The following OR8B2 variants were observed in gnomAD, a reference collection of about 807,000 sequenced individuals.
The protein encoded by OR8B2 is olfactory receptor family 8 subfamily B member 2, also known as olfactory receptor 8B2.
For synonymous variants in OR8B2, 98 were observed against 138.2 expected, an observed-to-expected ratio of 0.71 and a Z score of 2.04; for missense variants, 304 against 379.6, an observed-to-expected ratio of 0.80 and a Z score of 1.65.
upstream of OR8B2, among the ~76,000 whole-genome samples, chr11:124,385,511 TG>T: frequency 2.0e-5 from 3 of 151,830 alleles, no homozygotes; most frequent in Admixed American, 2.0e-4. Context: ...TGTGTGTGTG[TG>T]TGTGTGTGTG....
chr11:124,385,819 TA>T (rs1329081182), upstream of OR8B2, among the ~76,000 whole-genome samples: 3 of 151,830 alleles, frequency 2.0e-5, no homozygotes, highest in East Asian at 3.9e-4. Flanking sequence ...TTTGTAGGGA[TA>T]GGGGGTCTCA....
chr11:124,385,525 T>C (rs1019549189), upstream of OR8B2, among the ~76,000 whole-genome samples: 23 of 149,720 alleles, frequency 1.5e-4, no homozygotes, highest in Non-Finnish European at 2.8e-4. Flanking sequence ...TGTGTGTGTC[T>C]GTGTGTGTGT....
upstream of OR8B2, among the ~76,000 whole-genome samples, chr11:124,387,983 T>C (rs1341605234): frequency 1.3e-5 from 2 of 151,838 alleles, no homozygotes; most frequent in African/African-American, 2.4e-5. Context: ...ACATCCCTTG[T>C]AAGGTGGATT....
At chr11:124,387,099 G>A (rs1172474433), upstream of OR8B2, among the ~76,000 whole-genome samples, 6 of 152,122 alleles carry the variant, frequency 3.9e-5, no homozygotes, top group Non-Finnish European at 5.9e-5. Context: ...ACTTTTTGAT[G>A]GGGTTGTTTG....
chr11:124,382,729 A>G lies in OR8B2; in HGVS notation c.615T>C (p.Thr205=). ...TGGTACAACTGGGTACCGTGATATT[A>G]GTACCCACAACAATGAGAACAACCA... ...NEVVVLIVVG[T]NITVPSCTIL... The change falls in exon 2 of 2, where the codon ACT becomes ACC. Residue 205 remains threonine, a synonymous_variant. Coordinates refer to ENST00000641451, the MANE Select transcript of OR8B2 (RefSeq NM_001005468.2). 6.2e-7 allele frequency: 1 copy of G among 1,613,940 alleles called. No homozygotes were observed. The highest frequency in any genetic ancestry group is 8.5e-7 in the Non-Finnish European group (1 of 1,179,852).
At chr11:124,393,172 C>T in the OR8B2 span, among the ~76,000 whole-genome samples, 1 of 147,392 alleles carries the variant, frequency 6.8e-6, no homozygotes, top group Admixed American at 6.7e-5. Flanking sequence ...TAGAAGAAAA[C>T]CTAGGCATTA....
At chr11:124,396,363 T>A in the OR8B2 span, 4 of 1,500,830 alleles carry the variant, frequency 2.7e-6, no homozygotes. Flanking sequence ...AACACACTAA[T>A]AAAAATTTAA....
chr11:124,383,077 C>A lies in OR8B2; in HGVS notation c.267G>T (p.Lys89Asn), dbSNP rs1860628828. ...PKMLMNFVSKKNIISNVGCMT... is the reference protein window; with the variant it reads ...PKMLMNFVSKNNIISNVGCMT... ...TGCACCCAACATTGGAGATAATATT[C>A]TTTTTTGACACAAAGTTCATTAGCA... is the stretch of plus-strand genomic sequence containing the variant. Residue 89 changes from lysine to asparagine, a missense_variant, in exon 2 of 2, where the codon AAG becomes AAT. Transcript: ENST00000641451. 1.2e-6 allele frequency: 2 copies of A among 1,613,692 alleles called. No homozygotes were observed. The highest frequency in any genetic ancestry group is 1.3e-5 in the African/African-American group (1 of 74,882).
the OR8B2 span, among the ~76,000 whole-genome samples, chr11:124,394,296 A>T: frequency 7.0e-6 from 1 of 143,454 alleles, no homozygotes; most frequent in South Asian, 2.1e-4. Context: ...AATAAATAAA[A>T]TCAGCTAATA....
upstream of OR8B2, among the ~76,000 whole-genome samples, chr11:124,387,157 A>G (rs1292470473): frequency 2.0e-5 from 3 of 152,200 alleles, no homozygotes; most frequent in African/African-American, 7.2e-5. Flanking sequence ...TCTGGATATT[A>G]GCCCTTTGTC....
chr11:124,389,489 A>C (rs1165475480), upstream of OR8B2, among the ~76,000 whole-genome samples: 1 of 152,172 alleles, frequency 6.6e-6, no homozygotes, highest in African/African-American at 2.4e-5. Context: ...AGTAGAATCA[A>C]GTCATATCAT....
chr11:124,383,690 T>G (rs1256229116), intron 1 of OR8B2, among the ~76,000 whole-genome samples: 1 of 152,218 alleles, frequency 6.6e-6, no homozygotes, highest in Non-Finnish European at 1.5e-5. Context: ...CTTCCTAGTT[T>G]CTACTTATGT....
chr11:124,396,874 T>C, the OR8B2 span: 1 of 1,607,214 alleles, frequency 6.2e-7, no homozygotes, highest in South Asian at 1.1e-5. Context: ...ATGCACCCGG[T>C]GTGGGCCGTG....
At chr11:124,395,134 A>G in the OR8B2 span, among the ~76,000 whole-genome samples, 4 of 151,854 alleles carry the variant, frequency 2.6e-5, 1 homozygote, top group East Asian at 3.9e-4. Flanking sequence ...AACCAAAACC[A>G]TACAAAAAAA....
the OR8B2 span, among the ~76,000 whole-genome samples, chr11:124,390,415 T>G: frequency 6.6e-6 from 1 of 152,296 alleles, no homozygotes; most frequent in East Asian, 1.9e-4. Flanking sequence ...AAGAATTATC[T>G]TAGGCCACAC....
chr11:124,388,350 G>T (rs1366342672), upstream of OR8B2, among the ~76,000 whole-genome samples: 1 of 151,830 alleles, frequency 6.6e-6, no homozygotes, highest in African/African-American at 2.4e-5. Context: ...TTTTCAAAGG[G>T]AATGCTTCCA....
the OR8B2 span, among the ~76,000 whole-genome samples, chr11:124,389,764 A>T: frequency 6.6e-6 from 1 of 152,160 alleles, no homozygotes; most frequent in Non-Finnish European, 1.5e-5. Flanking sequence ...ATAGTCTATG[A>T]CATGGACAAG....
upstream of OR8B2, among the ~76,000 whole-genome samples, chr11:124,388,580 A>G (rs553722287): frequency 5.9e-5 from 9 of 152,226 alleles, no homozygotes; most frequent in South Asian, 6.2e-4. Flanking sequence ...ACTTGACCAG[A>G]TGTATTCTGC....
At chr11:124,395,407 T>C in the OR8B2 span, 6 of 152,178 alleles carry the variant, frequency 3.9e-5, no homozygotes, top group Non-Finnish European at 5.9e-5. Flanking sequence ...GAAATAACCT[T>C]TATATAAAAT....
Sources: allele counts gnomAD v4.1 joint callset (sites outside exome capture counted in the v4.1 genomes callset), GRCh38; gene constraint gnomAD v4.1.1; transcripts MANE v1.5; gene names NCBI Gene and HGNC (gene_info 2026-07-23, HGNC 2026-07-21).